Variants in CCDC192 observed in about 807,000 individuals in gnomAD.
CCDC192 encodes the protein coiled-coil domain-containing protein 192.
chr5:127,918,051 C>A (rs116411383), intron 6 of CCDC192, among the ~76,000 whole-genome samples: 80 of 152,092 alleles, frequency 5.3e-4, no homozygotes, highest in African/African-American at 1.8e-3. Context: ...GGGAGGATCA[C>A]GTGAGTCCAG....
chr5:127,751,296 T>G (rs1164847122), intron 2 of CCDC192, among the ~76,000 whole-genome samples: 1 of 152,170 alleles, frequency 6.6e-6, no homozygotes, highest in Non-Finnish European at 1.5e-5. Flanking sequence ...AAGAGCTCTT[T>G]TAGGGCAGGC....
At chr5:127,814,911 T>C (rs879688981) in intron 5 of CCDC192, among the ~76,000 whole-genome samples, 1 of 152,256 alleles carries the variant, frequency 6.6e-6, no homozygotes, top group Non-Finnish European at 1.5e-5. Context: ...GTATGGCGAA[T>C]TTTTAAAAAT....
intron 6 of CCDC192, among the ~76,000 whole-genome samples, chr5:127,912,418 G>T (rs1486585482): frequency 6.9e-5 from 1 of 14,512 alleles, no homozygotes. Context: ...CCTGGGTTTA[G>T]CAAAAAAAAA....
At chr5:127,828,505 C>G (rs1210488197) in intron 5 of CCDC192, among the ~76,000 whole-genome samples, 2 of 152,198 alleles carry the variant, frequency 1.3e-5, no homozygotes, top group Admixed American at 1.3e-4. Context: ...GAGCCAGGCT[C>G]TGTGCACACA....
At chr5:127,875,328 T>C (rs1752029975) in intron 5 of CCDC192, among the ~76,000 whole-genome samples, 1 of 151,782 alleles carries the variant, frequency 6.6e-6, no homozygotes, top group Non-Finnish European at 1.5e-5. Context: ...ATGAAGAGAG[T>C]GGGCTTTTTT....
chr5:127,718,972 G>A (rs1245400077), intron 2 of CCDC192, among the ~76,000 whole-genome samples: 2 of 151,700 alleles, frequency 1.3e-5, no homozygotes, highest in Non-Finnish European at 2.9e-5. Flanking sequence ...TCACCCTGTT[G>A]TGCTATCAAA....
chr5:127,834,541 C>T (rs1030937574), intron 5 of CCDC192, among the ~76,000 whole-genome samples: 22 of 152,128 alleles, frequency 1.4e-4, no homozygotes, highest in Non-Finnish European at 5.9e-5. Flanking sequence ...AGTGCTTAGA[C>T]AAACTTTAGA....
rs149991442 is a variant in CCDC192, at chr5:127,936,956, A to G, written c.536-4226A>G. ...GACTAGATGGGGGGAGAGGAGTGAG[A>G]TGGTTAGTGGTAGATTCTAGAAAAC... On this transcript the variant is annotated intron_variant, in intron 6 of 6. Coordinates refer to ENST00000514853, the MANE Select transcript of CCDC192 (RefSeq NM_001317938.2). Among the ~76,000 whole-genome samples, 664 of 152,246 alleles carry G rather than the reference A, an allele frequency of 4.4e-3. 3 individuals are homozygous for G. Among genetic ancestry groups the G allele is most frequent in the African/African-American group, 0.015 (630 of 41,542 alleles).
At chr5:127,895,269 T>C (rs1386139786) in intron 6 of CCDC192, among the ~76,000 whole-genome samples, 1 of 152,070 alleles carries the variant, frequency 6.6e-6, no homozygotes, top group Admixed American at 6.6e-5. Context: ...CTCCTATTAC[T>C]CCTGATGGGA....
chr5:127,736,868 T>C (rs1007965887), intron 2 of CCDC192, among the ~76,000 whole-genome samples: 7 of 146,826 alleles, frequency 4.8e-5, no homozygotes, highest in Admixed American at 1.4e-4. Context: ...TGTTGATCCT[T>C]TCAAAAAACC....
intron 6 of CCDC192, among the ~76,000 whole-genome samples, chr5:127,934,235 C>G (rs1445276399): frequency 1.3e-5 from 2 of 152,198 alleles, no homozygotes; most frequent in African/African-American, 4.8e-5. Context: ...CTTAAACTCT[C>G]AGGTTTGGGC....
intron 5 of CCDC192, among the ~76,000 whole-genome samples, chr5:127,862,071 G>C (rs1424035769): frequency 6.6e-6 from 1 of 152,168 alleles, no homozygotes; most frequent in East Asian, 1.9e-4. Context: ...CTGGAGCATT[G>C]AATGACTTGG....
intron 2 of CCDC192, among the ~76,000 whole-genome samples, chr5:127,752,650 G>A (rs1183652005): frequency 6.6e-6 from 1 of 152,228 alleles, no homozygotes; most frequent in Non-Finnish European, 1.5e-5. Context: ...CCCAGTTAGA[G>A]CTTCCGGGCT....
At chr5:127,719,276 C>A (rs529706127) in intron 2 of CCDC192, among the ~76,000 whole-genome samples, 2 of 152,046 alleles carry the variant, frequency 1.3e-5, no homozygotes, top group East Asian at 3.9e-4. Context: ...ACATCTACCA[C>A]ATTTTCTTTT....
intron 6 of CCDC192, among the ~76,000 whole-genome samples, chr5:127,922,264 T>C (rs1753744190): frequency 6.6e-6 from 1 of 152,222 alleles, no homozygotes; most frequent in Non-Finnish European, 1.5e-5. Context: ...ATCTTCTAGA[T>C]AACATTATTT....
chr5:127,737,028 T>C (rs1237916707), intron 2 of CCDC192, among the ~76,000 whole-genome samples: 1 of 151,366 alleles, frequency 6.6e-6, no homozygotes, highest in African/African-American at 2.4e-5. Context: ...TGTTAGGGTG[T>C]CAATTTTGGA....
chr5:127,706,737 G>C (rs898654325), intron 1 of CCDC192, among the ~76,000 whole-genome samples: 3 of 152,052 alleles, frequency 2.0e-5, no homozygotes, highest in African/African-American at 7.2e-5. Context: ...TCAGTTGGGA[G>C]ATGACACAAA....
At chr5:127,824,424 G>A (rs1472688262) in intron 5 of CCDC192, among the ~76,000 whole-genome samples, 2 of 152,160 alleles carry the variant, frequency 1.3e-5, no homozygotes, top group South Asian at 4.1e-4. Context: ...AACAGAACCT[G>A]TGAAATAATG....
intron 6 of CCDC192, among the ~76,000 whole-genome samples, chr5:127,901,650 A>T (rs1753039597): frequency 6.6e-6 from 1 of 152,204 alleles, no homozygotes. Context: ...TATGGCATCC[A>T]AGAATCTTCT....
Sources: gnomAD v4.1 joint callset for allele counts (sites outside exome capture counted in the v4.1 genomes callset) on GRCh38, gnomAD v4.1.1 for gene constraint, MANE v1.5 for transcripts, NCBI Gene and HGNC (gene_info 2026-07-23, HGNC 2026-07-21) for gene names.